Variants in PRKCH observed in about 807,000 individuals in gnomAD.
PRKCH encodes protein kinase C eta, also known as protein kinase C eta type.
A neutral mutation model predicts 82.5 loss-of-function variants in PRKCH; 28 were observed. The observed-to-expected ratio is 0.34, with a 90% confidence interval of 0.25 to 0.47. The LOEUF is 0.47. Ranked by LOEUF, PRKCH falls within the 20% of genes least tolerant of loss-of-function variation. The probability of loss-of-function intolerance (pLI) is 1.00; values close to 1 mark genes in which losing one functional copy is unlikely to be tolerated. For missense variants in PRKCH, 705 were observed against 881.8 expected (o/e 0.80, Z 2.54); for synonymous variants, 322 against 327.4 (o/e 0.98, Z 0.18).
intron 1 of PRKCH, among the ~76,000 whole-genome samples, chr14:61,382,493 G>T (rs962193660): frequency 1.3e-5 from 2 of 152,014 alleles, no homozygotes; most frequent in African/African-American, 4.8e-5. Context: ...CATTTTTCCT[G>T]TTAGGTTATT....
intron 2 of PRKCH, among the ~76,000 whole-genome samples, chr14:61,431,925 A>G (rs1883416635): frequency 6.6e-6 from 1 of 151,740 alleles, no homozygotes; most frequent in Non-Finnish European, 1.5e-5. Context: ...TTTTCTACCT[A>G]TGTCTTAGGT....
intron 2 of PRKCH, among the ~76,000 whole-genome samples, chr14:61,431,835 C>A (rs529553117): frequency 1.3e-5 from 2 of 152,286 alleles, no homozygotes; most frequent in African/African-American, 4.8e-5. Flanking sequence ...TTTTATCTGA[C>A]GTTAATGTGG....
Position 61,198,752 on chromosome 14 carries a change from G to A in PRKCH, c.-19+11084G>A, listed in dbSNP as rs118057844. On this transcript the variant is annotated intron_variant, in intron 1 of 3. Coordinates refer to the PRKCH transcript ENST00000555185. ...GAAAAAGTAAAGGATTTGCTAAGTAGCTACTGCAGACAGATCAAAAGGCTG... is the reference window on the plus strand; with the variant it reads ...GAAAAAGTAAAGGATTTGCTAAGTAACTACTGCAGACAGATCAAAAGGCTG... 1.3e-3 allele frequency among the ~76,000 whole-genome samples: 204 copies of A among 152,324 alleles called. 1 individual carries two copies. The highest frequency in any genetic ancestry group is 3.4e-3 in the Middle Eastern group (1 of 294).
chr14:61,512,253 T>C (rs1200425814), intron 10 of PRKCH, among the ~76,000 whole-genome samples: 2 of 149,104 alleles, frequency 1.3e-5, no homozygotes, highest in African/African-American at 5.0e-5. Flanking sequence ...ATGACCCTTT[T>C]TTTTTTTTTT....
At chr14:61,356,041 A>T (rs750696858) in intron 1 of PRKCH, among the ~76,000 whole-genome samples, 1 of 152,140 alleles carries the variant, frequency 6.6e-6, no homozygotes, top group Non-Finnish European at 1.5e-5. Flanking sequence ...CACCCCTTTG[A>T]AGCATCCAGA....
intron 1 of PRKCH, among the ~76,000 whole-genome samples, chr14:61,205,647 G>C (rs1226364439): frequency 6.6e-6 from 1 of 152,108 alleles, no homozygotes; most frequent in Non-Finnish European, 1.5e-5. Context: ...TCTCCTCTCT[G>C]CTTCCCTACC....
At chr14:61,536,869 G>A (rs749676044) in intron 12 of PRKCH, among the ~76,000 whole-genome samples, 4 of 151,978 alleles carry the variant, frequency 2.6e-5, no homozygotes, top group Non-Finnish European at 4.4e-5. Flanking sequence ...CTCTCCACCC[G>A]CAACACCCCC....
At chr14:61,482,533 G>GA (rs1293554206) in intron 9 of PRKCH, among the ~76,000 whole-genome samples, 3 of 152,118 alleles carry the variant, frequency 2.0e-5, no homozygotes, top group Non-Finnish European at 2.9e-5. Flanking sequence ...TGATAGGATG[G>GA]ACCAGTACTC....
chr14:61,350,183 C>G (rs2046052557), intron 1 of PRKCH, among the ~76,000 whole-genome samples: 1 of 152,126 alleles, frequency 6.6e-6, no homozygotes, highest in African/African-American at 2.4e-5. Flanking sequence ...TCTCTCTCAC[C>G]TTTCCTCCAC....
chr14:61,413,290 C>T (rs912304484), intron 2 of PRKCH, among the ~76,000 whole-genome samples: 5 of 151,972 alleles, frequency 3.3e-5, no homozygotes, highest in Non-Finnish European at 7.4e-5. Context: ...CCTTTGGGCA[C>T]CTCAAACGAC....
intron 1 of PRKCH, among the ~76,000 whole-genome samples, chr14:61,294,918 G>C (rs886198802): frequency 6.6e-6 from 1 of 152,090 alleles, no homozygotes; most frequent in Admixed American, 6.5e-5. Context: ...TGTTGCCCAG[G>C]CTGGAGTGCA....
chr14:61,388,196 A>C (rs1035152252), intron 1 of PRKCH, among the ~76,000 whole-genome samples: 1 of 151,182 alleles, frequency 6.6e-6, no homozygotes, highest in African/African-American at 2.4e-5. Flanking sequence ...TGTGCAACCC[A>C]CTAAGTTGCT....
intron 1 of PRKCH, among the ~76,000 whole-genome samples, chr14:61,356,645 A>G (rs1394090806): frequency 2.6e-5 from 4 of 151,988 alleles, no homozygotes; most frequent in Non-Finnish European, 4.4e-5. Context: ...TCTTGGGGGG[A>G]AAAAGAGTTT....
chr14:61,304,727 G>C (rs922251235), intron 1 of PRKCH: 3 of 151,958 alleles, frequency 2.0e-5, no homozygotes, highest in Admixed American at 6.6e-5. Context: ...GGGAGGCTGA[G>C]GTGAGAGGAT....
At chr14:61,210,074 T>A (rs1327950155) in intron 1 of PRKCH, among the ~76,000 whole-genome samples, 2 of 126,800 alleles carry the variant, frequency 1.6e-5, no homozygotes, top group African/African-American at 2.9e-5. Flanking sequence ...CTGTCTCTAC[T>A]AAAACAAAAA....
At chr14:61,524,759 T>C (rs1068191) in intron 10 of PRKCH, among the ~76,000 whole-genome samples, 149,738 of 152,346 alleles carry the variant, frequency 0.98, 73,635 homozygotes, top group East Asian at 1. Context: ...CAAGCCAACA[T>C]GAGGATAAGT....
chr14:61,381,484 G>A (rs2046508690), intron 1 of PRKCH, among the ~76,000 whole-genome samples: 1 of 152,200 alleles, frequency 6.6e-6, no homozygotes. Context: ...AAATTAGCAG[G>A]GATGTAGTAT....
At chr14:61,487,926 G>T (rs182966878) in intron 10 of PRKCH, among the ~76,000 whole-genome samples, 1,777 of 152,160 alleles carry the variant, frequency 0.012, 31 homozygotes, top group African/African-American at 0.04. Flanking sequence ...GGCCGAGGCG[G>T]GCGGATCACG....
intron 1 of PRKCH, among the ~76,000 whole-genome samples, chr14:61,190,505 A>G (rs1043143657): frequency 6.6e-6 from 1 of 152,182 alleles, no homozygotes; most frequent in Admixed American, 6.5e-5. Flanking sequence ...AAACAAGCAA[A>G]CAAAAACCCC....
Sources: allele counts gnomAD v4.1 joint callset (sites outside exome capture counted in the v4.1 genomes callset), GRCh38; gene constraint gnomAD v4.1.1; transcripts MANE v1.5; gene names NCBI Gene and HGNC (gene_info 2026-07-23, HGNC 2026-07-21).